The following MPRIP variants were observed in gnomAD, a reference collection of about 807,000 sequenced individuals.
The protein encoded by MPRIP is myosin phosphatase Rho interacting protein.
MPRIP carries 59 observed loss-of-function variants against 234.9 expected under a neutral mutation model. That is an observed-to-expected ratio of 0.25 (90% confidence interval 0.20 to 0.31). The LOEUF (loss-of-function observed/expected upper bound fraction) is 0.31. MPRIP is among the 10% of genes least tolerant of loss of function. MPRIP has a pLI of 1.00. For missense variants in MPRIP, 2,436 were observed against 3,071.0 expected (o/e 0.79, Z 4.89); for synonymous variants, 1,144 against 1,263.9 (o/e 0.91, Z 2.01).
intron 5 of MPRIP, among the ~76,000 whole-genome samples, chr17:17,132,943 G>A (rs2090626404): frequency 1.3e-5 from 2 of 152,194 alleles, no homozygotes; most frequent in African/African-American, 4.8e-5. Context: ...GAATAACAGC[G>A]TTTAGGGTTA....
intron 3 of MPRIP, among the ~76,000 whole-genome samples, chr17:17,090,459 G>A (rs1296041152): frequency 1.3e-5 from 2 of 152,154 alleles, no homozygotes; most frequent in African/African-American, 2.4e-5. Context: ...GAGCCCACCA[G>A]GGTTGCACCT....
chr17:17,133,755 G>A (rs542867713), intron 5 of MPRIP, among the ~76,000 whole-genome samples: 2 of 152,332 alleles, frequency 1.3e-5, no homozygotes, highest in South Asian at 2.1e-4. Context: ...AGCTGAGGGC[G>A]GGAGTCTCAA....
In MPRIP at chr17:17,190,999, G is replaced by A. The variant is rs2046575942; in HGVS notation, c.*6105G>A. ...AATCTTAGACACCCCTTTTTAAGATGGGGAGAACAGGGTTGACTGCACCGT... is the reference window on the plus strand; with the variant it reads ...AATCTTAGACACCCCTTTTTAAGATAGGGAGAACAGGGTTGACTGCACCGT... On this transcript the variant is annotated 3_prime_UTR_variant, in exon 24 of 24. Transcript: ENST00000651222. 6.6e-6 allele frequency: 1 copy of A among 152,104 alleles called. No individual in the cohort carries two copies. The highest frequency in any genetic ancestry group is 6.5e-5 in the Admixed American group (1 of 15,268). The allele number at this position is 152,104 out of a possible 1,614,324, so 9.4% of individuals were successfully genotyped here. A position where few individuals can be genotyped will look rare whatever the true frequency, so the allele number is the denominator to read the frequency against.
chr17:17,067,784 T>C (rs1165395468), intron 1 of MPRIP, among the ~76,000 whole-genome samples: 2 of 144,852 alleles, frequency 1.4e-5, no homozygotes, highest in African/African-American at 5.1e-5. Context: ...CTTCTTCTTC[T>C]TCTTCCTTTT....
At chr17:17,159,368 G>A (rs2045812878) in intron 14 of MPRIP, among the ~76,000 whole-genome samples, 1 of 152,266 alleles carries the variant, frequency 6.6e-6, no homozygotes, top group Non-Finnish European at 1.5e-5. Context: ...CGCAGCCCTG[G>A]CTTGGACAGG....
chr17:17,054,844 G>A (rs1345937733), intron 1 of MPRIP, among the ~76,000 whole-genome samples: 1 of 152,004 alleles, frequency 6.6e-6, no homozygotes, highest in Non-Finnish European at 1.5e-5. Context: ...GAGCCCAGGA[G>A]TTCGAGATCA....
At position 17,078,108 on chromosome 17, in the gene MPRIP, C is replaced by T; in HGVS notation, c.267+32C>T. ...GTTATCCTTGCCCACTCCCTGTCCC[C>T]AGCCTTCACCAAGTCCCTCCATTAC... On this transcript the variant is annotated intron_variant, in intron 3 of 23. Transcript: ENST00000651222. This position sits in a 1 kb window ranked among gnomAD's most constrained non-coding sequence, Gnocchi z 4.3. The T allele has an allele frequency of 1.9e-6, 3 of 1,610,428 alleles. No homozygotes were observed. The highest frequency in any genetic ancestry group is 2.5e-6 in the Non-Finnish European group (3 of 1,176,896).
intron 12 of MPRIP, 143 bp from the exon 13 acceptor site, chr17:17,154,163 C>T (rs2045673316): frequency 1.5e-6 from 1 of 656,826 alleles, no homozygotes; most frequent in Non-Finnish European, 2.7e-6. Flanking sequence ...GTAGTGGGCA[C>T]ATGTGGCACT....
intron 4 of MPRIP, among the ~76,000 whole-genome samples, chr17:17,129,292 T>G (rs768099640): frequency 6.6e-6 from 1 of 152,084 alleles, no homozygotes; most frequent in Non-Finnish European, 1.5e-5. Flanking sequence ...CCTTACCCAC[T>G]CCCCTGTTCT....
chr17:17,088,217 C>G (rs2089635151), intron 3 of MPRIP, among the ~76,000 whole-genome samples: 1 of 152,116 alleles, frequency 6.6e-6, no homozygotes, highest in Non-Finnish European at 1.5e-5. Flanking sequence ...TTTCTGTGGC[C>G]CACACCCCGC....
At chr17:17,121,030 A>C (rs2090378701) in intron 3 of MPRIP, among the ~76,000 whole-genome samples, 2 of 152,216 alleles carry the variant, frequency 1.3e-5, no homozygotes, top group Admixed American at 1.3e-4. Context: ...GCAGAGCAGC[A>C]GGGGGACCAG....
At chr17:17,113,411 C>T (rs1249917817) in intron 3 of MPRIP, among the ~76,000 whole-genome samples, 2 of 152,222 alleles carry the variant, frequency 1.3e-5, no homozygotes, top group African/African-American at 4.8e-5. Context: ...CCTTTTGTGA[C>T]TGGCTTATTG....
chr17:17,164,080 C>G (rs1255874931), intron 15 of MPRIP, 29 bp from the exon 16 acceptor site: 1 of 1,298,608 alleles, frequency 7.7e-7, no homozygotes, highest in Non-Finnish European at 1.0e-6. Flanking sequence ...CCGAGTGTTA[C>G]TAACCAGTAT....
In MPRIP at chr17:17,165,560, G is replaced by C; in HGVS notation, c.3969G>C (p.Arg1323=). 1 of 1,304,610 alleles carries C rather than the reference G, an allele frequency of 7.7e-7. No homozygotes were observed. The highest frequency in any genetic ancestry group is 1.0e-6 in the Non-Finnish European group (1 of 989,036). 80.8% of individuals were successfully genotyped at this position (1,304,610 alleles called of 1,614,324 possible). A position where few individuals can be genotyped will look rare whatever the true frequency, so the allele number is the denominator to read the frequency against. The part of the protein sequence containing the change: ...GAPGVKRQRI[R]FSTIQCQRYI... Reference sequence around the variant, plus strand: ...CTGGTGTTAAAAGGCAAAGAATCCGGTTCTCCACAATCCAGTGCCAAAGAT... The same window carrying C: ...CTGGTGTTAAAAGGCAAAGAATCCGCTTCTCCACAATCCAGTGCCAAAGAT... The change falls in exon 16 of 24, where the codon CGG becomes CGC. Residue 1323 remains arginine, a synonymous_variant. Transcript: ENST00000651222.
intron 3 of MPRIP, among the ~76,000 whole-genome samples, chr17:17,088,321 G>T (rs1043047599): frequency 6.6e-6 from 1 of 152,178 alleles, no homozygotes; most frequent in Non-Finnish European, 1.5e-5. Flanking sequence ...CAGCTGTGAC[G>T]GTACCCTGCA....
Position 17,190,860 on chromosome 17 carries a change from CTG to C in MPRIP, c.*5970_*5971del, listed in dbSNP as rs2046572804. 6.6e-6 allele frequency: 1 copy of C among 152,168 alleles called. No homozygotes were observed. Among genetic ancestry groups the C allele is most frequent in the Non-Finnish European group, 1.5e-5 (1 of 68,024 alleles). 9.4% of individuals were successfully genotyped at this position (152,168 alleles called of 1,614,324 possible). ...GCAATTTCTCTGTATTTAAAAGCAG[CTG>C]TGTTTATTTTCTTCAAAATAACCTG... On this transcript the variant is annotated 3_prime_UTR_variant, in exon 24 of 24. Coordinates refer to ENST00000651222, the MANE Select transcript of MPRIP (RefSeq NM_001364716.4).
rs113944691 is a variant in MPRIP at position 17,054,389 on chromosome 17, G to A, written c.123+11418G>A. ...CGTAGACTTGATGACTTTTTAGTAGGCAGTTACCTGTATTCATTCATGCGT... is the reference window on the plus strand; with the variant it reads ...CGTAGACTTGATGACTTTTTAGTAGACAGTTACCTGTATTCATTCATGCGT... On this transcript the variant is annotated intron_variant, in intron 1 of 23. Transcript: ENST00000651222. Among the ~76,000 whole-genome samples the A allele has an allele frequency of 7.9e-3, 1,198 of 152,284 alleles. 16 individuals carry two copies. Among genetic ancestry groups the A allele is most frequent in the African/African-American group, 0.027 (1,124 of 41,544 alleles).
intron 11 of MPRIP, among the ~76,000 whole-genome samples, chr17:17,148,180 G>A (rs1396316899): frequency 6.6e-6 from 1 of 152,224 alleles, no homozygotes; most frequent in East Asian, 1.9e-4. Flanking sequence ...AGTAGGGGTA[G>A]GAGAGTGTGG....
At position 17,192,427 on chromosome 17, in the gene MPRIP, T is replaced by TTGGGGGG. The variant is rs56270914; in HGVS notation, c.*7533_*7534insTGGGGGG. ...ACCAGCTGAGCTGCTGCTTTTTTTT[T>TTGGGGGG]GGGGGGGGGGGGGGGAGGGGCGTCT... On this transcript the variant is annotated 3_prime_UTR_variant, in exon 24 of 24. Transcript: ENST00000651222. 19 of 4,812 alleles carry TTGGGGGG rather than the reference T, an allele frequency of 3.9e-3. 4 individuals carry two copies. The highest frequency in any genetic ancestry group is 7.8e-3 in the Non-Finnish European group (15 of 1,922). 0.3% of individuals were successfully genotyped at this position (4,812 alleles called of 1,614,324 possible).
Sources: allele counts gnomAD v4.1 joint callset (sites outside exome capture counted in the v4.1 genomes callset), GRCh38; gene constraint gnomAD v4.1.1; non-coding constraint Gnocchi (gnomAD v3.1); transcripts MANE v1.5; gene names NCBI Gene and HGNC (gene_info 2026-07-23, HGNC 2026-07-21).